Variants in DOCK3 observed in about 807,000 individuals in gnomAD.
The protein encoded by DOCK3 is dedicator of cytokinesis 3.
A neutral mutation model predicts 265.6 loss-of-function variants in DOCK3; 60 were observed. The observed-to-expected ratio is 0.23, with a 90% confidence interval of 0.18 to 0.28. The LOEUF (loss-of-function observed/expected upper bound fraction) is 0.28. DOCK3 is among the 10% of genes least tolerant of loss of function. DOCK3 has a pLI of 1.00. For synonymous variants in DOCK3, 881 were observed against 938.0 expected (o/e 0.94, Z 1.11); for missense variants, 1,981 against 2,594.3 (o/e 0.76, Z 5.14).
At chr3:51,286,544 A>G (rs955913601) in intron 27 of DOCK3, among the ~76,000 whole-genome samples, 5 of 152,236 alleles carry the variant, frequency 3.3e-5, no homozygotes, top group African/African-American at 9.6e-5. Flanking sequence ...AGCTGGAGGC[A>G]TGACATTACC....
chr3:51,256,625 C>T (rs1451181609), intron 22 of DOCK3, among the ~76,000 whole-genome samples: 1 of 145,914 alleles, frequency 6.9e-6, no homozygotes, highest in Non-Finnish European at 1.5e-5. Flanking sequence ...TGGAGTCTCA[C>T]TCTTGTTGTG....
intron 27 of DOCK3, among the ~76,000 whole-genome samples, chr3:51,307,878 G>T (rs2082777531): frequency 2.4e-5 from 1 of 42,052 alleles, no homozygotes; most frequent in Non-Finnish European, 5.5e-5. Context: ...AAATTATATG[G>T]GTTTTTTTTT....
At chr3:50,881,898 G>A (rs1191594073) in intron 3 of DOCK3, among the ~76,000 whole-genome samples, 1 of 152,158 alleles carries the variant, frequency 6.6e-6, no homozygotes, top group African/African-American at 2.4e-5. Context: ...ACACAGCATG[G>A]TACTGGGACC....
At chr3:51,312,430 A>C (rs750458749) in intron 29 of DOCK3, 46 bp from the exon 30 acceptor site, 1 of 1,539,588 alleles carries the variant, frequency 6.5e-7, no homozygotes, top group Non-Finnish European at 9.0e-7. Context: ...TCCCTACAAG[A>C]TTAAGTTCTT....
chr3:51,364,964 A>G (rs540693834), intron 49 of DOCK3, among the ~76,000 whole-genome samples: 3 of 152,278 alleles, frequency 2.0e-5, no homozygotes, highest in South Asian at 2.1e-4. Flanking sequence ...TTGGCAATGC[A>G]GGCTCTTTTT....
At chr3:51,151,035 T>C (rs1015525764) in intron 10 of DOCK3, among the ~76,000 whole-genome samples, 115 of 152,376 alleles carry the variant, frequency 7.5e-4, no homozygotes, top group Non-Finnish European at 2.1e-4. Context: ...GCTCTTCTTG[T>C]TGAATTGATT....
At chr3:51,231,505 G>A (rs2108423023) in intron 19 of DOCK3, among the ~76,000 whole-genome samples, 1 of 152,210 alleles carries the variant, frequency 6.6e-6, no homozygotes, top group South Asian at 2.1e-4. Flanking sequence ...GTTCTCTGAT[G>A]ATTAGTGATA....
chr3:51,097,274 G>T lies in DOCK3; in HGVS notation c.746+6890G>T, dbSNP rs558894123. ...TTTGTTCTGTAAGGCCCTGACTGGG[G>T]TTGCTGAGTTTCTTTCATAGATGCC... On this transcript the variant is annotated intron_variant, in intron 9 of 52. Coordinates refer to ENST00000266037, the MANE Select transcript of DOCK3 (RefSeq NM_004947.5). Among the ~76,000 whole-genome samples the T allele has an allele frequency of 7.9e-5, 12 of 152,312 alleles. No homozygotes were observed. In the South Asian group the frequency reaches 2.5e-3, roughly 32 times the overall value.
intron 4 of DOCK3, among the ~76,000 whole-genome samples, chr3:50,931,155 A>G (rs1003543859): frequency 6.6e-6 from 1 of 152,192 alleles, no homozygotes; most frequent in Admixed American, 6.5e-5. Context: ...CATCAGTAGC[A>G]TGAATTATCT....
At chr3:50,719,268 C>CTTTTTTTTTTTT (rs71084106) in intron 1 of DOCK3, among the ~76,000 whole-genome samples, 83 of 138,544 alleles carry the variant, frequency 6.0e-4, no homozygotes, top group Non-Finnish European at 7.0e-4. Flanking sequence ...TAGATATTTT[C>CTTTTTTTTTTTT]TTTTTTTTTT....
chr3:51,210,940 C>T (rs2089465312), intron 13 of DOCK3, among the ~76,000 whole-genome samples: 1 of 152,186 alleles, frequency 6.6e-6, no homozygotes, highest in Non-Finnish European at 1.5e-5. Context: ...AGATGTGGCT[C>T]TTCATTTCCA....
rs548026958 is a variant in DOCK3 at position 50,878,992 on chromosome 3, G to T, written c.163-11034G>T. On this transcript the variant is annotated intron_variant, in intron 3 of 52. Coordinates refer to ENST00000266037, the MANE Select transcript of DOCK3 (RefSeq NM_004947.5). ...CAATATTCAACATTCTTAAAGAAAA[G>T]AATTTTCAACCCAGAATTTCATATC... Among the ~76,000 whole-genome samples the T allele has an allele frequency of 1.6e-4, 24 of 152,214 alleles. 1 individual carries two copies. The South Asian group carries it at 4.4e-3, about 28-fold the overall frequency.
At chr3:50,908,648 A>G (rs1239711310) in intron 4 of DOCK3, among the ~76,000 whole-genome samples, 1 of 152,086 alleles carries the variant, frequency 6.6e-6, no homozygotes, top group African/African-American at 2.4e-5. Flanking sequence ...TATGTGATCT[A>G]TTTTAGAGTA....
chr3:51,227,527 T>G, intron 16 of DOCK3, 82 bp downstream of exon 16: 1 of 1,554,514 alleles, frequency 6.4e-7, no homozygotes, highest in Non-Finnish European at 8.7e-7. Flanking sequence ...TTAAGTGGAT[T>G]CTTATTTGGG....
intron 9 of DOCK3, among the ~76,000 whole-genome samples, chr3:51,090,901 G>A (rs975515582): frequency 7.2e-5 from 11 of 152,142 alleles, no homozygotes; most frequent in Non-Finnish European, 1.3e-4. Flanking sequence ...GCTTTTACTT[G>A]CTTTAGTACT....
At chr3:51,253,272 T>G (rs989546153) in intron 22 of DOCK3, among the ~76,000 whole-genome samples, 1 of 152,228 alleles carries the variant, frequency 6.6e-6, no homozygotes, top group African/African-American at 2.4e-5. Context: ...TGCTAGTATT[T>G]TACTGAGGAT....
intron 22 of DOCK3, among the ~76,000 whole-genome samples, chr3:51,248,715 T>G (rs2078968104): frequency 6.6e-6 from 1 of 150,974 alleles, no homozygotes; most frequent in Admixed American, 6.6e-5. Flanking sequence ...GAGGAGCGTC[T>G]CCGCCCGGCC....
chr3:51,148,209 T>G (rs769358930), intron 10 of DOCK3, among the ~76,000 whole-genome samples: 3 of 152,246 alleles, frequency 2.0e-5, no homozygotes, highest in Non-Finnish European at 4.4e-5. Context: ...CTCTTGTAAA[T>G]TTGTTTAATT....
chr3:51,367,629 C>T (rs1218014194), intron 49 of DOCK3, among the ~76,000 whole-genome samples: 14 of 152,100 alleles, frequency 9.2e-5, no homozygotes, highest in South Asian at 2.1e-4. Flanking sequence ...TGGCTGGTAC[C>T]GGTTGTTCCT....
Sources: allele counts gnomAD v4.1 joint callset (sites outside exome capture counted in the v4.1 genomes callset), GRCh38; gene constraint gnomAD v4.1.1; transcripts MANE v1.5; gene names NCBI Gene and HGNC (gene_info 2026-07-23, HGNC 2026-07-21).